Variants in RAD54L observed in about 807,000 individuals in gnomAD.
RAD54L encodes RAD54 like, also known as DNA repair and recombination protein RAD54-like.
A neutral mutation model predicts 91.6 loss-of-function variants in RAD54L; 74 were observed. That is an observed-to-expected ratio of 0.81 (90% CI 0.67 to 0.98). The LOEUF is 0.98. Ranked by LOEUF, RAD54L falls within the 50% of genes least tolerant of loss-of-function variation. The pLI, the probability that RAD54L is intolerant of heterozygous loss-of-function variation, is 0.00. For synonymous variants in RAD54L, 304 were observed against 349.7 expected, an observed-to-expected ratio of 0.87 and a Z score of 1.46; for missense variants, 887 against 945.7, an observed-to-expected ratio of 0.94 and a Z score of 0.81.
At position 46,260,088 on chromosome 1, in the gene RAD54L, G is replaced by A; in HGVS notation, c.396G>A (p.Leu132=). 1 of 1,614,242 alleles carries A rather than the reference G, an allele frequency of 6.2e-7. No homozygotes were observed. Among genetic ancestry groups the A allele is most frequent in the Non-Finnish European group, 8.5e-7 (1 of 1,180,046 alleles). ...CCCCGCTGAGCGCTCATGACCAGCT[G>A]AAGCTTGACAAGTATGTGCACTGGT... The part of the protein sequence containing the change: ...EPPPLSAHDQ[L]KLDKEKLPVH... Residue 132 remains leucine, a synonymous_variant, in exon 5 of 18, where the codon CTG becomes CTA. Coordinates refer to ENST00000371975, the MANE Select transcript of RAD54L (RefSeq NM_003579.4).
chr1:46,258,305 CAAAAAAA>C (rs56952108), intron 3 of RAD54L, among the ~76,000 whole-genome samples: 2 of 89,044 alleles, frequency 2.2e-5, no homozygotes, highest in East Asian at 3.0e-4. Flanking sequence ...CTGATGTAGC[CAAAAAAA>C]AAAAAAAAAG....
chr1:46,272,420 A>G, intron 10 of RAD54L, 46 bp from the exon 11 acceptor site: 1 of 1,486,834 alleles, frequency 6.7e-7, no homozygotes, highest in Non-Finnish European at 9.4e-7. Context: ...AGTAGTTAGC[A>G]TGGCAATTTT....
chr1:46,270,843 T>A, intron 10 of RAD54L, 58 bp downstream of exon 10: 44 of 1,607,066 alleles, frequency 2.7e-5, no homozygotes, highest in Non-Finnish European at 3.7e-5. Flanking sequence ...TGGCCAATCC[T>A]TTGGGGGCTT....
intron 16 of RAD54L, chr1:46,277,372 A>T (rs1364826441): frequency 4.2e-6 from 1 of 239,518 alleles, no homozygotes; most frequent in African/African-American, 2.3e-5. Context: ...CTATCATTGT[A>T]TCAACTGTTT....
At position 46,274,689 on chromosome 1, in the gene RAD54L, A is replaced by C. The variant is rs1230003242; in HGVS notation, c.1841A>C (p.Lys614Thr). 6 of 1,614,160 alleles carry C rather than the reference A, an allele frequency of 3.7e-6. No individual in the cohort carries two copies. The highest frequency in any genetic ancestry group is 1.1e-5 in the South Asian group (1 of 91,080). Residue 614 changes from lysine to threonine, a missense_variant, in exon 16 of 18, where the codon AAG (lysine) becomes ACG (threonine). Coordinates refer to ENST00000371975, the MANE Select transcript of RAD54L (RefSeq NM_003579.4). ...MARVWRDGQK[K>T]TCYIYRLLSA... ...CGGGTCTGGCGAGATGGTCAAAAGAAGACTTGCTATATCTACCGCCTGCTG... is the reference window on the plus strand; with the variant it reads ...CGGGTCTGGCGAGATGGTCAAAAGACGACTTGCTATATCTACCGCCTGCTG...
intron 8 of RAD54L, 88 bp downstream of exon 8, chr1:46,261,473 A>G: frequency 6.6e-7 from 1 of 1,520,554 alleles, no homozygotes; most frequent in South Asian, 1.2e-5. Flanking sequence ...TGTGCTAGTC[A>G]CTGGGGAATG....
At chr1:46,260,417 T>C (rs1169574446) in intron 5 of RAD54L, 125 bp from the exon 6 acceptor site, 6 of 1,045,770 alleles carry the variant, frequency 5.7e-6, no homozygotes, top group South Asian at 1.3e-5. Flanking sequence ...TTACGATTTA[T>C]CAGCCAAGAA....
intron 5 of RAD54L, 94 bp from the exon 6 acceptor site, chr1:46,260,448 C>T: frequency 1.6e-6 from 2 of 1,246,448 alleles, no homozygotes; most frequent in Non-Finnish European, 2.4e-6. Context: ...TAGGCAGCTG[C>T]CTCTGTTGCC....
Position 46,260,588 on chromosome 1 carries a change from G to A in RAD54L, c.454G>A (p.Val152Ile), listed in dbSNP as rs757184891. The change falls in exon 6 of 18, where the codon GTT becomes ATT. Residue 152 changes from valine to isoleucine, a missense_variant. Physicochemically the swap from Val to Ile is conservative, Grantham distance 29 (BLOSUM62 3). Transcript: ENST00000371975. ...HVVVDPILSK[V>I]LRPHQREGVK... ...GGTTGTTGACCCTATTCTCAGTAAG[G>A]TTTTGCGGCCTCATCAGAGAGAGGT... 3 of 1,614,166 alleles carry A rather than the reference G, an allele frequency of 1.9e-6. No individual in the cohort carries two copies. The highest frequency in any genetic ancestry group is 2.7e-5 in the African/African-American group (2 of 75,034).
In RAD54L at chr1:46,250,874, G is replaced by T. The variant is rs372095728; in HGVS notation, c.210+755G>T. Among the ~76,000 whole-genome samples, 11 of 151,690 alleles carry T rather than the reference G, an allele frequency of 7.3e-5. No individual in the cohort carries two copies. In the South Asian group the frequency reaches 2.3e-3, roughly 32 times the overall value. On this transcript the variant is annotated intron_variant, in intron 3 of 17. Transcript: ENST00000371975. ...CCTGTAGTCCCAGCTACTCAAGTGA[G>T]GCATGAGAATCACTTGAACCCGGGA...
chr1:46,250,237 G>T (rs1205223796), intron 3 of RAD54L, 118 bp downstream of exon 3: 1 of 1,428,924 alleles, frequency 7.0e-7, no homozygotes, highest in African/African-American at 1.4e-5. Flanking sequence ...ACACACATCT[G>T]TAGGGGCTTT....
rs2148298023 is a variant in RAD54L, at chr1:46,270,665, C to T, written c.1049C>T (p.Ala350Val). Residue 350 changes from alanine (A) to valine (V), a missense_variant, in exon 10 of 18, where the codon GCC becomes GTC. Physicochemically the swap from Ala to Val is moderately conservative, Grantham distance 64 (BLOSUM62 0). Transcript: ENST00000371975. Reference sequence around the variant, plus strand: ...CCTTCTCTCCTGTGTTTAGGGACTGCCCATGAATTCAAGAAGCATTTTGAA... The same window carrying T: ...CCTTCTCTCCTGTGTTTAGGGACTGTCCATGAATTCAAGAAGCATTTTGAA... Reference protein sequence around the residue: ...HFVNSGILGTAHEFKKHFELP... With the variant: ...HFVNSGILGTVHEFKKHFELP... 2 of 1,614,142 alleles carry T rather than the reference C, an allele frequency of 1.2e-6. No individual in the cohort carries two copies. The highest frequency in any genetic ancestry group is 1.3e-5 in the African/African-American group (1 of 75,046).
Position 46,274,661 on chromosome 1 carries a change from G to GC in RAD54L, c.1816dup (p.Arg606ProfsTer23). Reference sequence around the variant, plus strand: ...CCCAGCCAATGATGAACAAGCCATGGCCCGGGTCTGGCGAGATGGTCAAAA... The same window carrying GC: ...CCCAGCCAATGATGAACAAGCCATGGCCCCGGGTCTGGCGAGATGGTCAAAA... On this transcript the variant is annotated frameshift_variant, in exon 16 of 18. Coordinates refer to ENST00000371975, the MANE Select transcript of RAD54L (RefSeq NM_003579.4). LOFTEE classifies it high-confidence loss of function. 1 of 1,614,086 alleles carries GC rather than the reference G, an allele frequency of 6.2e-7. No homozygotes were observed. The highest frequency in any genetic ancestry group is 8.5e-7 in the Non-Finnish European group (1 of 1,180,032).
chr1:46,248,934 T>C (rs1004640793), intron 2 of RAD54L, among the ~76,000 whole-genome samples: 3 of 152,164 alleles, frequency 2.0e-5, no homozygotes, highest in Non-Finnish European at 4.4e-5. Context: ...CCCTGCCCAG[T>C]GTCACAGAAC....
intron 4 of RAD54L, among the ~76,000 whole-genome samples, chr1:46,259,027 A>G (rs1007075278): frequency 6.6e-6 from 1 of 152,096 alleles, no homozygotes; most frequent in Non-Finnish European, 1.5e-5. Flanking sequence ...GCTTCATTCA[A>G]TCCAAGTGCA....
chr1:46,278,064 GTC>G lies in RAD54L; in HGVS notation c.2034-7_2034-6del, dbSNP rs1660671847. The G allele has an allele frequency of 1.2e-6, 2 of 1,614,154 alleles. No homozygotes were observed. Among genetic ancestry groups the G allele is most frequent in the East Asian group, 4.5e-5 (2 of 44,892 alleles). On this transcript the variant is annotated splice_polypyrimidine_tract_variant and splice_region_variant and intron_variant, in intron 17 of 17. Coordinates refer to ENST00000371975, the MANE Select transcript of RAD54L (RefSeq NM_003579.4). ...TGTAGTGACTTCAGCTGTGCCTTCTGTCCCTAGGTTGCACTGCCGACGTTGTG... is the reference window on the plus strand; with the variant it reads ...TGTAGTGACTTCAGCTGTGCCTTCTGCCTAGGTTGCACTGCCGACGTTGTG...
At chr1:46,275,292 G>A (rs375613380) in intron 16 of RAD54L, among the ~76,000 whole-genome samples, 1 of 152,246 alleles carries the variant, frequency 6.6e-6, no homozygotes, top group East Asian at 1.9e-4. Context: ...TCTCAACCCC[G>A]CTTCGTCTAA....
In RAD54L at chr1:46,277,998, C is replaced by A; in HGVS notation, c.2033+18C>A. ...CATGACAGGTGGGGAAGTGCCCTAA[C>A]CATTATCTCTAAGCTACCCACACAG... On this transcript the variant is annotated intron_variant, in intron 17 of 17. Coordinates refer to ENST00000371975, the MANE Select transcript of RAD54L (RefSeq NM_003579.4). 6.2e-7 allele frequency: 1 copy of A among 1,614,170 alleles called. No individual in the cohort carries two copies. Among genetic ancestry groups the A allele is most frequent in the Non-Finnish European group, 8.5e-7 (1 of 1,180,024 alleles).
chr1:46,254,097 C>G (rs1386680692), intron 3 of RAD54L, among the ~76,000 whole-genome samples: 2 of 151,910 alleles, frequency 1.3e-5, no homozygotes, highest in African/African-American at 4.8e-5. Context: ...GCCTCAGCTT[C>G]CTGAGTAGCT....
Sources: gnomAD v4.1 joint callset for allele counts (sites outside exome capture counted in the v4.1 genomes callset) on GRCh38, gnomAD v4.1.1 for gene constraint, MANE v1.5 for transcripts, NCBI Gene and HGNC (gene_info 2026-07-23, HGNC 2026-07-21) for gene names.